VIT: variants seen among roughly 807,000 people sequenced by gnomAD.
VIT encodes the protein vitrin.
Under a neutral mutation model 78.0 loss-of-function variants are expected in VIT, and 99 were observed. That is an observed-to-expected ratio of 1.27 (90% CI 1.08 to 1.50). The LOEUF is 1.50. Ranked by LOEUF, VIT falls within the 40% of genes most tolerant of loss-of-function variation. VIT has a pLI of 0.00. For synonymous variants in VIT, 374 were observed against 334.3 expected, an observed-to-expected ratio of 1.12 and a Z score of -1.29; for missense variants, 1,126 against 875.3, an observed-to-expected ratio of 1.29 and a Z score of -3.61.
intron 5 of VIT, 42 bp downstream of exon 5, chr2:36,755,096 A>G (rs779743533): frequency 9.4e-6 from 15 of 1,588,476 alleles, no homozygotes; most frequent in African/African-American, 1.4e-5. Context: ...ACCTACCACA[A>G]GATGAAATGT....
Position 36,798,898 on chromosome 2 carries a change from C to T in VIT, c.1059-2403C>T, listed in dbSNP as rs1011040647. ...TGAATTTGTGACTTTAGCCTCAGAT[C>T]AAGACACTTCACACTGTAGGTTGAT... On this transcript the variant is annotated intron_variant, in intron 12 of 15. Transcript: ENST00000379242. Among the ~76,000 whole-genome samples the T allele has an allele frequency of 1.4e-4, 22 of 152,332 alleles. No individual in the cohort carries two copies. In the East Asian group the frequency reaches 4.2e-3, roughly 29 times the overall value.
At chr2:36,730,529 G>A (rs1300786187) in intron 3 of VIT, among the ~76,000 whole-genome samples, 1 of 152,186 alleles carries the variant, frequency 6.6e-6, no homozygotes, top group Non-Finnish European at 1.5e-5. Flanking sequence ...ATGAAGAAGG[G>A]CACATAATAG....
chr2:36,770,089 G>T (rs1180507261), intron 7 of VIT, among the ~76,000 whole-genome samples: 1 of 152,192 alleles, frequency 6.6e-6, no homozygotes, highest in Non-Finnish European at 1.5e-5. Flanking sequence ...TAGGCAAAAG[G>T]TTCTAGAACT....
rs114351518 is a variant in VIT at position 36,746,696 on chromosome 2, C to G, written c.275+3440C>G. Among the ~76,000 whole-genome samples the G allele has an allele frequency of 8.3e-3, 1,260 of 151,832 alleles. 17 individuals carry two copies. The highest frequency in any genetic ancestry group is 0.028 in the African/African-American group (1,149 of 41,458). Reference sequence around the variant, plus strand: ...ATTTTTGGGTCTTCTTTCTTTTTTCCTTTGTTAATCTAGCTAGTGGTCTAT... The same window carrying G: ...ATTTTTGGGTCTTCTTTCTTTTTTCGTTTGTTAATCTAGCTAGTGGTCTAT... On this transcript the variant is annotated intron_variant, in intron 4 of 15. Transcript: ENST00000379242.
chr2:36,722,776 A>C (rs1047079201), intron 2 of VIT, among the ~76,000 whole-genome samples: 2 of 152,174 alleles, frequency 1.3e-5, no homozygotes, highest in African/African-American at 4.8e-5. Flanking sequence ...TCTTTTCTTG[A>C]ACATAATGTG....
At chr2:36,748,373 A>G (rs972669096) in intron 4 of VIT, among the ~76,000 whole-genome samples, 1 of 152,210 alleles carries the variant, frequency 6.6e-6, no homozygotes, top group Non-Finnish European at 1.5e-5. Flanking sequence ...AATGAGTCAC[A>G]GCCTCCTTTG....
In VIT at chr2:36,775,038, A is replaced by G. The variant is rs1397114697; in HGVS notation, c.773A>G (p.Gln258Arg). 4 of 1,614,104 alleles carry G rather than the reference A, an allele frequency of 2.5e-6. No individual in the cohort carries two copies. The East Asian group carries it at 6.7e-5, about 27-fold the overall frequency. The change falls in exon 9 of 16, where the codon CAG becomes CGG. Residue 258 changes from glutamine (Q) to arginine (R), a missense_variant. Physicochemically the swap from Gln to Arg is conservative, Grantham distance 43. Transcript: ENST00000379242. ...QRQDPSGAAF[Q>R]KPVGADVSLG... Reference sequence around the variant, plus strand: ...CAAGATCCTTCAGGAGCTGCCTTCCAGAAACCTGTTGGAGCGGATGTCAGC... The same window carrying G: ...CAAGATCCTTCAGGAGCTGCCTTCCGGAAACCTGTTGGAGCGGATGTCAGC...
intron 2 of VIT, among the ~76,000 whole-genome samples, chr2:36,719,413 A>G (rs918319542): frequency 1.3e-5 from 2 of 152,218 alleles, no homozygotes; most frequent in Non-Finnish European, 2.9e-5. Context: ...AGATAACATG[A>G]TATTATATAC....
intron 12 of VIT, among the ~76,000 whole-genome samples, chr2:36,788,863 A>G (rs569775281): frequency 5.3e-5 from 8 of 152,350 alleles, no homozygotes; most frequent in African/African-American, 1.4e-4. Flanking sequence ...AGGGAAAAGA[A>G]AAATGGCGTG....
At chr2:36,762,007 T>C (rs1669152957) in intron 6 of VIT, among the ~76,000 whole-genome samples, 1 of 152,218 alleles carries the variant, frequency 6.6e-6, no homozygotes, top group Non-Finnish European at 1.5e-5. Context: ...AAACTCGGTA[T>C]CACCTTAAAG....
intron 2 of VIT, among the ~76,000 whole-genome samples, chr2:36,719,915 G>C (rs550266264): frequency 1.3e-5 from 2 of 152,086 alleles, no homozygotes; most frequent in African/African-American, 4.8e-5. Context: ...GCACTCCAGC[G>C]TGGGTGACAG....
intron 6 of VIT, among the ~76,000 whole-genome samples, chr2:36,762,246 A>G (rs114483764): frequency 6.6e-6 from 1 of 152,316 alleles, no homozygotes; most frequent in African/African-American, 2.4e-5. Flanking sequence ...CGTGAAATTT[A>G]TAAACTAGCA....
chr2:36,774,649 C>G (rs1027653169), intron 8 of VIT: 24 of 985,440 alleles, frequency 2.4e-5, no homozygotes, highest in Non-Finnish European at 2.9e-5. Flanking sequence ...TCAGGGCGAG[C>G]AGCTTCTATG....
rs1394425895 is a variant in VIT at position 36,759,002 on chromosome 2, C to T, written c.443C>T (p.Ser148Leu). The part of the protein sequence containing the change: ...SKPKKGVTYP[S>L]ALTYSSSKSP... ...CCCAAAAAGGGTGTAACCTACCCAT[C>T]AGCTCTTACATACTCATCATCGAAA... is the stretch of plus-strand genomic sequence containing the variant. The change falls in exon 6 of 16, where the codon TCA becomes TTA. Residue 148 changes from serine to leucine, a missense_variant. By Grantham distance (145) the Ser-to-Leu change is moderately radical (BLOSUM62 -2). Coordinates refer to ENST00000379242, the MANE Select transcript of VIT (RefSeq NM_053276.4). 6.2e-7 allele frequency: 1 copy of T among 1,614,008 alleles called. No individual in the cohort carries two copies. The highest frequency in any genetic ancestry group is 1.1e-5 in the South Asian group (1 of 91,084).
intron 9 of VIT, 48 bp from the exon 10 acceptor site, chr2:36,781,679 G>T (rs757947173): frequency 6.2e-6 from 10 of 1,600,916 alleles, no homozygotes; most frequent in South Asian, 4.4e-5. Flanking sequence ...AGTTTCTGCT[G>T]GTTTGGTTTA....
At chr2:36,782,450 A>G (rs1664821744) in intron 10 of VIT, among the ~76,000 whole-genome samples, 1 of 152,188 alleles carries the variant, frequency 6.6e-6, no homozygotes, top group African/African-American at 2.4e-5. Flanking sequence ...AACTGGAAAA[A>G]ATAACAAGCC....
At chr2:36,716,287 A>T in intron 1 of VIT, 66 bp from the exon 2 acceptor site, 1 of 1,357,792 alleles carries the variant, frequency 7.4e-7, no homozygotes. Flanking sequence ...ATCCCCACAC[A>T]CTCTGTGCAT....
chr2:36,738,013 C>G (rs773653447), intron 3 of VIT, among the ~76,000 whole-genome samples: 1 of 152,148 alleles, frequency 6.6e-6, no homozygotes, highest in Non-Finnish European at 1.5e-5. Flanking sequence ...TCAGAAATAA[C>G]GGGAAAACAG....
chr2:36,712,819 A>G (rs1367712296), intron 1 of VIT, among the ~76,000 whole-genome samples: 1 of 152,236 alleles, frequency 6.6e-6, no homozygotes, highest in Non-Finnish European at 1.5e-5. Context: ...TGGGCGACAG[A>G]GCGAGACTCC....
Sources: allele counts gnomAD v4.1 joint callset (sites outside exome capture counted in the v4.1 genomes callset), GRCh38; gene constraint gnomAD v4.1.1; transcripts MANE v1.5; gene names NCBI Gene and HGNC (gene_info 2026-07-23, HGNC 2026-07-21).